Variants in SLC39A11 observed in about 807,000 individuals in gnomAD.
The protein encoded by SLC39A11 is solute carrier family 39 member 11.
Under a neutral mutation model 36.1 loss-of-function variants are expected in SLC39A11, and 33 were observed. That is an observed-to-expected ratio of 0.91 (90% CI 0.69 to 1.22). The LOEUF is 1.22. SLC39A11 is among the 50% of genes most tolerant of loss of function. The pLI, the probability that SLC39A11 is intolerant of heterozygous loss-of-function variation, is 0.00. For synonymous variants in SLC39A11, 166 were observed against 170.3 expected, an observed-to-expected ratio of 0.97 and a Z score of 0.20; for missense variants, 432 against 430.3, an observed-to-expected ratio of 1.00 and a Z score of -0.03.
chr17:73,029,586 CT>C (rs796247633), intron 4 of SLC39A11, among the ~76,000 whole-genome samples: 330 of 144,536 alleles, frequency 2.3e-3, no homozygotes, highest in Middle Eastern at 7.1e-3. Flanking sequence ...GCCACTCAAT[CT>C]TTTTTTTTTT....
chr17:72,969,459 G>A (rs1001317924), intron 4 of SLC39A11, among the ~76,000 whole-genome samples: 4 of 152,004 alleles, frequency 2.6e-5, no homozygotes, highest in African/African-American at 7.2e-5. Context: ...AGGCATCTCC[G>A]GAGTTCAAAA....
rs1598323173 is a variant in SLC39A11, at chr17:72,679,766, G to A, written c.672-30498C>T. On this transcript the variant is annotated intron_variant, in intron 7 of 9. Transcript: ENST00000255559. ...TTAAAGAATTGTGGTAAAATTGGCT[G>A]GGCACGGTGGCTCACGCCTGTAATC... Among the ~76,000 whole-genome samples the A allele has an allele frequency of 6.6e-5, 10 of 152,250 alleles. No homozygotes were observed. In the South Asian group the frequency reaches 2.1e-3, roughly 32 times the overall value.
chr17:73,054,852 C>G (rs573163446), intron 3 of SLC39A11, among the ~76,000 whole-genome samples: 1 of 150,688 alleles, frequency 6.6e-6, no homozygotes, highest in South Asian at 2.1e-4. Flanking sequence ...CTGGGGAGAG[C>G]TGCAGATGCT....
Position 72,882,404 on chromosome 17 carries a change from G to A in SLC39A11, c.431-32600C>T, listed in dbSNP as rs1334723467. On this transcript the variant is annotated intron_variant, in intron 5 of 9. Transcript: ENST00000255559. ...AATGCTCTTTCAACTTTCTTTAGGA[G>A]ACACACCACACGCATGCACAATCCA... Among the ~76,000 whole-genome samples the A allele has an allele frequency of 2.7e-5, 4 of 148,104 alleles. 1 individual carries two copies. In the East Asian group the frequency reaches 7.8e-4, roughly 29 times the overall value.
Position 72,841,787 on chromosome 17 carries a change from C to A in SLC39A11, c.601+7847G>T, listed in dbSNP as rs1187157416. Among the ~76,000 whole-genome samples the A allele has an allele frequency of 2.6e-5, 4 of 152,086 alleles. No homozygotes were observed. The South Asian group carries it at 8.3e-4, about 32-fold the overall frequency. On this transcript the variant is annotated intron_variant, in intron 6 of 9. Coordinates refer to ENST00000255559, the MANE Select transcript of SLC39A11 (RefSeq NM_139177.4). ...ATCAAAATATTTCATGCAGGCCAGG[C>A]GAGGTGGCTCACACCTGTAATCCTA...
Position 72,959,176 on chromosome 17 carries a change from A to G in SLC39A11, c.307-11301T>C, listed in dbSNP as rs1465905943. Among the ~76,000 whole-genome samples, 3 of 151,756 alleles carry G rather than the reference A, an allele frequency of 2.0e-5. No homozygotes were observed. The East Asian group carries it at 5.8e-4, about 29-fold the overall frequency. On this transcript the variant is annotated intron_variant, in intron 4 of 9. Transcript: ENST00000255559. ...CAATCCTACTACTGGGTATCTAGCC[A>G]GAGGAAAAGAGGTCATCACATGAAA...
intron 4 of SLC39A11, among the ~76,000 whole-genome samples, chr17:73,021,668 G>A (rs1480994346): frequency 6.6e-6 from 1 of 152,050 alleles, no homozygotes. Context: ...GCCACCCTCG[G>A]CTATCGACTG....
intron 6 of SLC39A11, among the ~76,000 whole-genome samples, chr17:72,738,299 T>C (rs1468775968): frequency 1.3e-5 from 2 of 152,192 alleles, no homozygotes; most frequent in Admixed American, 6.5e-5. Flanking sequence ...CCACCGCACC[T>C]GGCCAAGCAA....
intron 4 of SLC39A11, among the ~76,000 whole-genome samples, chr17:72,957,780 C>T (rs2086339953): frequency 6.6e-6 from 1 of 151,538 alleles, no homozygotes; most frequent in Non-Finnish European, 1.5e-5. Flanking sequence ...GATGGTGCCA[C>T]TGCACTCCAG....
intron 7 of SLC39A11, among the ~76,000 whole-genome samples, chr17:72,656,959 T>G (rs902102705): frequency 7.3e-5 from 11 of 149,936 alleles, no homozygotes; most frequent in African/African-American, 2.7e-4. Context: ...CTGGGCAACA[T>G]AGCAAGACCC....
intron 6 of SLC39A11, among the ~76,000 whole-genome samples, chr17:72,781,903 T>A (rs558176114): frequency 2.7e-5 from 4 of 146,494 alleles, no homozygotes; most frequent in African/African-American, 7.8e-5. Context: ...AAAAAAAAAA[T>A]TCTATTTATA....
chr17:72,882,561 C>G (rs12103831), intron 5 of SLC39A11, among the ~76,000 whole-genome samples: 4 of 152,026 alleles, frequency 2.6e-5, no homozygotes, highest in Non-Finnish European at 5.9e-5. Context: ...ACTTCAGGAC[C>G]GAATCCAAGA....
chr17:72,658,288 G>T (rs982051043), intron 7 of SLC39A11, among the ~76,000 whole-genome samples: 1 of 152,190 alleles, frequency 6.6e-6, no homozygotes, highest in Admixed American at 6.5e-5. Context: ...ACAGTCTGAG[G>T]TACTTTTCCA....
intron 9 of SLC39A11, among the ~76,000 whole-genome samples, chr17:72,648,090 G>A (rs967187810): frequency 1.5e-4 from 23 of 152,128 alleles, no homozygotes; most frequent in Non-Finnish European, 2.6e-4. Flanking sequence ...AGCACTTTGA[G>A]AGGCCGAGGC....
chr17:72,853,806 C>T (rs987751048), intron 5 of SLC39A11, among the ~76,000 whole-genome samples: 1 of 152,064 alleles, frequency 6.6e-6, no homozygotes, highest in Non-Finnish European at 1.5e-5. Flanking sequence ...CTTCTTGCCG[C>T]TCCTGGTAAG....
chr17:72,969,068 T>C (rs1598645186), intron 4 of SLC39A11, among the ~76,000 whole-genome samples: 1 of 152,098 alleles, frequency 6.6e-6, no homozygotes, highest in African/African-American at 2.4e-5. Flanking sequence ...TCGGAGGCTT[T>C]TCCCATGTCT....
In SLC39A11 at chr17:73,053,376, A is replaced by G. The variant is rs916324227; in HGVS notation, c.148-21662T>C. On this transcript the variant is annotated intron_variant, in intron 3 of 9. Coordinates refer to ENST00000255559, the MANE Select transcript of SLC39A11 (RefSeq NM_139177.4). ...GGTAAGTAGTAACCCTGAGGGCCAC[A>G]TACTAGAGGAAAACTGATACCCACA... Among the ~76,000 whole-genome samples the G allele has an allele frequency of 4.6e-5, 7 of 152,294 alleles. No individual in the cohort carries two copies. In the East Asian group the frequency reaches 1.2e-3, roughly 25 times the overall value.
At chr17:72,871,772 A>G (rs1184667297) in intron 5 of SLC39A11, among the ~76,000 whole-genome samples, 1 of 152,148 alleles carries the variant, frequency 6.6e-6, no homozygotes, top group Non-Finnish European at 1.5e-5. Context: ...TGTTTTCCTG[A>G]GTCCTATAAA....
At chr17:72,809,622 A>G (rs2077372302) in intron 6 of SLC39A11, among the ~76,000 whole-genome samples, 1 of 152,190 alleles carries the variant, frequency 6.6e-6, no homozygotes, top group South Asian at 2.1e-4. Flanking sequence ...ACAGTATGGC[A>G]TTAAAAAGGT....
Sources: allele counts gnomAD v4.1 joint callset (sites outside exome capture counted in the v4.1 genomes callset), GRCh38; gene constraint gnomAD v4.1.1; transcripts MANE v1.5; gene names NCBI Gene and HGNC (gene_info 2026-07-23, HGNC 2026-07-21).